UNC79: variants seen among roughly 807,000 people sequenced by gnomAD.
UNC79 encodes the protein unc-79 subunit of NALCN channel complex, also known as protein unc-79 homolog.
UNC79 carries 37 observed loss-of-function variants against 283.1 expected under a neutral mutation model. The ratio of observed to expected loss-of-function variants is 0.13; its 90% CI spans 0.10 to 0.17. The LOEUF (loss-of-function observed/expected upper bound fraction) is 0.17, where lower values mean the gene tolerates loss of function less well. Ranked by LOEUF, UNC79 falls within the 10% of genes least tolerant of loss-of-function variation. The probability of loss-of-function intolerance (pLI) is 1.00; values close to 1 mark genes in which losing one functional copy is unlikely to be tolerated. For synonymous variants in UNC79, 1,107 were observed against 1,200.2 expected (o/e 0.92, Z 1.61); for missense variants, 2,272 against 3,211.1 (o/e 0.71, Z 7.07).
At chr14:93,437,313 A>G (rs992851683) in intron 1 of UNC79, 5 of 152,124 alleles carry the variant, frequency 3.3e-5, no homozygotes, top group Non-Finnish European at 5.9e-5. Flanking sequence ...CATTTTCATA[A>G]CAGCTTTGAG....
intron 5 of UNC79, 81 bp downstream of exon 5, chr14:93,487,836 C>T: frequency 7.5e-7 from 1 of 1,324,538 alleles, no homozygotes; most frequent in South Asian, 1.4e-5. Context: ...TAGATGTTCT[C>T]ATGTGAGAAC....
chr14:93,580,160 A>G (rs1451006406), exon 19 of UNC79: 1 of 1,613,014 alleles, frequency 6.2e-7, no homozygotes, highest in Non-Finnish European at 8.5e-7. Context: ...TGGAGTTACA[A>G]GATGATGGAA....
chr14:93,603,384 G>A lies in UNC79; in HGVS notation c.3720G>A (p.Ala1240=), dbSNP rs74073831. 2.5e-3 allele frequency: 4,002 copies of A among 1,614,074 alleles called. 104 individuals are homozygous for A. In the African/African-American group the frequency reaches 0.048, roughly 19 times the overall value. The change falls in exon 26 of 49, where the codon GCG becomes GCA. Residue 1240 remains alanine (A), a synonymous_variant. Transcript: ENST00000555664. ...AAGGGCCTGTGGAATCCAAGAGGGC[G>A]CTCTCCCTCCCTGAGACCCTGACCT... is the stretch of plus-strand genomic sequence containing the variant.
At chr14:93,679,880 A>G (rs2073694601) in intron 41 of UNC79, among the ~76,000 whole-genome samples, 2 of 152,278 alleles carry the variant, frequency 1.3e-5, no homozygotes, top group South Asian at 4.2e-4. Flanking sequence ...GATTCTTGTT[A>G]TATATGATTA....
At chr14:93,673,089 A>G (rs1358995877) in intron 40 of UNC79, among the ~76,000 whole-genome samples, 1 of 152,190 alleles carries the variant, frequency 6.6e-6, no homozygotes, top group Non-Finnish European at 1.5e-5. Flanking sequence ...AGAACCAAAT[A>G]CTGGGGCATC....
chr14:93,449,086 A>T (rs982351566), intron 1 of UNC79, among the ~76,000 whole-genome samples: 1 of 152,172 alleles, frequency 6.6e-6, no homozygotes, highest in Non-Finnish European at 1.5e-5. Context: ...TGTGGCTATA[A>T]GCAGTCTGTC....
rs191828524 is a variant in UNC79 at position 93,356,184 on chromosome 14, C to T, written c.-351+22661C>T. Among the ~76,000 whole-genome samples the T allele has an allele frequency of 5.9e-5, 9 of 152,214 alleles. No individual in the cohort carries two copies. The East Asian group carries it at 1.2e-3, about 20-fold the overall frequency. The stretch of plus-strand genomic sequence containing the variant: ...CTGGGATTACAGGCACCTGCCACCA[C>T]GCCTGGCTAATTGTTGTATTTTTAG... On this transcript the variant is annotated intron_variant, in intron 1 of 49. Coordinates refer to the UNC79 transcript ENST00000256339.
chr14:93,363,106 A>C (rs542011275), intron 1 of UNC79, among the ~76,000 whole-genome samples: 1 of 152,144 alleles, frequency 6.6e-6, no homozygotes, highest in Non-Finnish European at 1.5e-5. Context: ...ATTTAGCACT[A>C]TAAACTTTCT....
At position 93,474,284 on chromosome 14, in the gene UNC79, A is replaced by C; in HGVS notation, c.339A>C (p.Gln113His). 6.5e-7 allele frequency: 1 copy of C among 1,536,052 alleles called. No individual in the cohort carries two copies. The highest frequency in any genetic ancestry group is 8.7e-7 in the Non-Finnish European group (1 of 1,146,864). The change falls in exon 3 of 49, where the codon CAA (glutamine) becomes CAC (histidine). Residue 113 changes from glutamine (Q) to histidine (H), a missense_variant. Transcript: ENST00000555664. The surrounding 1 kb of genome is among the most constrained non-coding windows in gnomAD (Gnocchi z 4.1). ...ATGCTCCCTCAGAACGCGGCCCGCAAAGTCGTGATGCTCAGTTGTCAGACT... is the reference window on the plus strand; with the variant it reads ...ATGCTCCCTCAGAACGCGGCCCGCACAGTCGTGATGCTCAGTTGTCAGACT...
chr14:93,519,651 CT>C (rs1431358678), intron 7 of UNC79, among the ~76,000 whole-genome samples: 1 of 151,230 alleles, frequency 6.6e-6, no homozygotes, highest in Non-Finnish European at 1.5e-5. Flanking sequence ...GATATCTTGC[CT>C]TTTTTGAATT....
chr14:93,466,807 G>C (rs1034528423), intron 1 of UNC79: 5 of 975,506 alleles, frequency 5.1e-6, no homozygotes, highest in Non-Finnish European at 6.1e-6. Flanking sequence ...ATGGCTCCTT[G>C]GGATTTGCAA....
rs538937012 is a variant in UNC79, at chr14:93,444,298, C to A, written c.22+13247C>A. On this transcript the variant is annotated intron_variant, in intron 1 of 48. Coordinates refer to ENST00000555664, the Ensembl canonical transcript of UNC79. ...GTCTATTTTTATTGGTTTTTTTGAT[C>A]TTTTGATTGAGTCTTAAGGGTTCTT... Among the ~76,000 whole-genome samples the A allele has an allele frequency of 5.3e-5, 8 of 151,988 alleles. No individual in the cohort carries two copies. In the South Asian group the frequency reaches 1.2e-3, roughly 24 times the overall value.
At chr14:93,529,047 G>C (rs984408012) in intron 9 of UNC79, among the ~76,000 whole-genome samples, 7 of 152,150 alleles carry the variant, frequency 4.6e-5, no homozygotes, top group Admixed American at 3.3e-4. Context: ...CAGTATTTTG[G>C]TTGGCTTAAT....
intron 4 of UNC79, among the ~76,000 whole-genome samples, chr14:93,484,561 T>C (rs1258089425): frequency 6.6e-6 from 1 of 152,226 alleles, no homozygotes; most frequent in East Asian, 1.9e-4. Context: ...CTGGTGATGC[T>C]GGGAGGATAG....
intron 26 of UNC79, 138 bp downstream of exon 26, chr14:93,603,556 C>T: frequency 2.8e-6 from 3 of 1,067,506 alleles, no homozygotes; most frequent in East Asian, 2.6e-5. Context: ...TTCAGATTCC[C>T]TAGAGAATCA....
intron 1 of UNC79, among the ~76,000 whole-genome samples, chr14:93,421,776 T>TA (rs35643188): frequency 0.68 from 97,822 of 144,478 alleles, 33,722 homozygotes; most frequent in Middle Eastern, 0.76. Context: ...GGAGATAGCT[T>TA]AAAAAAAAAA....
intron 7 of UNC79, among the ~76,000 whole-genome samples, chr14:93,515,202 C>A (rs114352371): frequency 6.6e-6 from 1 of 151,830 alleles, no homozygotes; most frequent in Non-Finnish European, 1.5e-5. Context: ...GACCAACATT[C>A]CCCAAATTCT....
chr14:93,650,409 C>T (rs1297796816), intron 35 of UNC79, among the ~76,000 whole-genome samples: 1 of 152,064 alleles, frequency 6.6e-6, no homozygotes, highest in African/African-American at 2.4e-5. Context: ...AGTGGTTATG[C>T]CACTTTATAT....
At chr14:93,361,028 A>G (rs1381737392) in intron 1 of UNC79, among the ~76,000 whole-genome samples, 1 of 152,026 alleles carries the variant, frequency 6.6e-6, no homozygotes, top group Non-Finnish European at 1.5e-5. Context: ...AGCTTGGTCA[A>G]CATGGTGAAA....
Sources: gnomAD v4.1 joint callset for allele counts (sites outside exome capture counted in the v4.1 genomes callset) on GRCh38, gnomAD v4.1.1 for gene constraint, Gnocchi (gnomAD v3.1) non-coding constraint, MANE v1.5 for transcripts, NCBI Gene and HGNC (gene_info 2026-07-23, HGNC 2026-07-21) for gene names.